Variants in VWA2 observed in about 807,000 individuals in gnomAD.
VWA2 encodes the protein von Willebrand factor A domain containing 2.
A neutral mutation model predicts 70.4 loss-of-function variants in VWA2; 73 were observed. The observed-to-expected ratio is 1.04, with a 90% CI of 0.86 to 1.26. The LOEUF is 1.26. Ranked by LOEUF, VWA2 falls within the 50% of genes most tolerant of loss-of-function variation. The pLI, the probability that VWA2 is intolerant of heterozygous loss-of-function variation, is 0.00. For synonymous variants in VWA2, 407 were observed against 423.3 expected, an observed-to-expected ratio of 0.96 and a Z score of 0.47; for missense variants, 1,011 against 998.5, an observed-to-expected ratio of 1.01 and a Z score of -0.17.
In VWA2 at chr10:114,284,918, G is replaced by A. The variant is rs761578549; in HGVS notation, c.945G>A (p.Leu315=). ...GAGGCACATGTGTTCCAGAAGGACT[G>A]GACGGCTACCAGTGCCTCTGCCCGC... ...QNGGTCVPEG[L]DGYQCLCPLA... The change falls in exon 10 of 14, where the codon CTG becomes CTA. Residue 315 remains leucine, a synonymous_variant. Coordinates refer to ENST00000392982, the MANE Select transcript of VWA2 (RefSeq NM_001272046.2). 1.2e-6 allele frequency: 2 copies of A among 1,605,056 alleles called. No homozygotes were observed. The highest frequency in any genetic ancestry group is 1.7e-5 in the Admixed American group (1 of 57,946).
At chr10:114,288,540 C>G (rs943892569) in intron 11 of VWA2, among the ~76,000 whole-genome samples, 1 of 152,204 alleles carries the variant, frequency 6.6e-6, no homozygotes, top group African/African-American at 2.4e-5. Context: ...AGGTGAGTGG[C>G]CCGGGCCAGC....
At chr10:114,253,602 C>G in intron 2 of VWA2, 49 bp from the exon 3 acceptor site, 1 of 1,536,616 alleles carries the variant, frequency 6.5e-7, no homozygotes, top group Non-Finnish European at 8.9e-7. Flanking sequence ...GATTGAGCCT[C>G]CTCCCCTCTC....
At chr10:114,281,373 G>A (rs1393834520) in intron 8 of VWA2, 1 of 152,336 alleles carries the variant, frequency 6.6e-6, no homozygotes, top group Non-Finnish European at 1.5e-5. Context: ...AGGGTAGAGT[G>A]GGGGGATTTG....
chr10:114,268,168 C>T (rs563996021), intron 5 of VWA2, among the ~76,000 whole-genome samples: 6 of 152,030 alleles, frequency 3.9e-5, no homozygotes, highest in Non-Finnish European at 7.4e-5. Flanking sequence ...ATTTGAGCCC[C>T]TCCACCTCTG....
Position 114,272,786 on chromosome 10 carries a change from A to C in VWA2, c.418A>C (p.Arg140=), listed in dbSNP as rs750422421. 2.5e-6 allele frequency: 4 copies of C among 1,613,736 alleles called. No homozygotes were observed. Among genetic ancestry groups the C allele is most frequent in the African/African-American group, 2.7e-5 (2 of 74,914 alleles). Reference sequence around the variant, plus strand: ...ACTTGCTCTGAAATACCTTCTGCACAGAGGGTTGCCTGGAGGCAGAAATGC... The same window carrying C: ...ACTTGCTCTGAAATACCTTCTGCACCGAGGGTTGCCTGGAGGCAGAAATGC... The part of the protein sequence containing the change: ...TELALKYLLH[R]GLPGGRNASV... Residue 140 remains arginine (R), a synonymous_variant, in exon 6 of 14, where the codon AGA becomes CGA. Transcript: ENST00000392982.
chr10:114,277,306 C>T (rs1003432629), intron 6 of VWA2, among the ~76,000 whole-genome samples: 1 of 150,882 alleles, frequency 6.6e-6, no homozygotes, highest in African/African-American at 2.4e-5. Context: ...GTCTCAGCCT[C>T]CCAAGTAGCT....
At chr10:114,286,564 TC>T in intron 11 of VWA2, 53 bp downstream of exon 11, 1 of 1,460,702 alleles carries the variant, frequency 6.8e-7, no homozygotes, top group Admixed American at 2.3e-5. Flanking sequence ...GGGTCCTTCC[TC>T]CTTTTGGCCA....
chr10:114,277,717 G>GTTCTATGCTTGCTTT (rs2037879821), intron 6 of VWA2, among the ~76,000 whole-genome samples, 197 bp from the exon 7 acceptor site: 2 of 152,154 alleles, frequency 1.3e-5, no homozygotes, highest in African/African-American at 4.8e-5. Context: ...ATGCTTGCTT[G>GTTCTATGCTTGCTTT]TTCTTTGCTT....
rs576469757 is a variant in VWA2 at position 114,259,992 on chromosome 10, C to A, written c.262-1194C>A. Among the ~76,000 whole-genome samples the A allele has an allele frequency of 2.2e-4, 34 of 152,318 alleles. No homozygotes were observed. The East Asian group carries it at 6.4e-3, about 28-fold the overall frequency. ...AGGGCGTTTCCATCATCTCCCACGTCCCACGCCTGTCGAGGGAACGGCAGC... is the reference window on the plus strand; with the variant it reads ...AGGGCGTTTCCATCATCTCCCACGTACCACGCCTGTCGAGGGAACGGCAGC... On this transcript the variant is annotated intron_variant, in intron 4 of 13. Coordinates refer to ENST00000392982, the MANE Select transcript of VWA2 (RefSeq NM_001272046.2).
intron 1 of VWA2, among the ~76,000 whole-genome samples, chr10:114,247,329 G>T (rs1197970637): frequency 6.6e-6 from 1 of 152,140 alleles, no homozygotes; most frequent in Admixed American, 6.6e-5. Flanking sequence ...TCCCATATGA[G>T]AGTGTATAAA....
chr10:114,290,487 T>C, intron 13 of VWA2, 122 bp downstream of exon 13: 1 of 1,383,120 alleles, frequency 7.2e-7, no homozygotes, highest in Non-Finnish European at 9.8e-7. Flanking sequence ...AATTATTCAG[T>C]CGTTTACCCA....
rs1359443112 is a variant in VWA2, at chr10:114,277,303, C to G, written c.567-611C>G. On this transcript the variant is annotated intron_variant, in intron 6 of 13. Coordinates refer to ENST00000392982, the MANE Select transcript of VWA2 (RefSeq NM_001272046.2). ...GGTTCAAGTGGCTCTCCTGTCTCAG[C>G]CTCCCAAGTAGCTGGAACTACAGGC... 3.3e-5 allele frequency among the ~76,000 whole-genome samples: 5 copies of G among 150,696 alleles called. No individual in the cohort carries two copies. The East Asian group carries it at 7.9e-4, about 24-fold the overall frequency.
chr10:114,246,110 A>T (rs530303698), intron 1 of VWA2: 1 of 609,660 alleles, frequency 1.6e-6, no homozygotes, highest in African/African-American at 2.0e-5. Context: ...GCATGGTGAG[A>T]AGGTAGATCT....
At chr10:114,282,391 A>G (rs2038255122) in intron 8 of VWA2, 125 bp from the exon 9 acceptor site, 2 of 757,096 alleles carry the variant, frequency 2.6e-6, no homozygotes, top group Non-Finnish European at 4.6e-6. Context: ...AAACAAAACC[A>G]GGAAGTCTTT....
In VWA2 at chr10:114,286,281, G is replaced by A; in HGVS notation, c.1340G>A (p.Arg447Lys). ...ATRTGQDRPR[R>K]VVVLLTESHS... is the part of the protein sequence containing the mutation. Reference sequence around the variant, plus strand: ...AGGACAGGCCAGGACCGGCCACGTAGAGTGGTGGTTTTGCTCACTGAGTCA... The same window carrying A: ...AGGACAGGCCAGGACCGGCCACGTAAAGTGGTGGTTTTGCTCACTGAGTCA... Residue 447 changes from arginine to lysine, a missense_variant, in exon 11 of 14, where the codon AGA becomes AAA. Coordinates refer to ENST00000392982, the MANE Select transcript of VWA2 (RefSeq NM_001272046.2). The A allele has an allele frequency of 1.2e-6, 2 of 1,610,668 alleles. No individual in the cohort carries two copies. Among genetic ancestry groups the A allele is most frequent in the South Asian group, 1.1e-5 (1 of 90,800 alleles).
chr10:114,248,482 A>G lies in VWA2; in HGVS notation c.-10-222A>G, dbSNP rs540441589. Among the ~76,000 whole-genome samples, 316 of 152,276 alleles carry G rather than the reference A, an allele frequency of 2.1e-3. 8 individuals are homozygous for G. Among genetic ancestry groups the G allele is most frequent in the Non-Finnish European group, 1.7e-3 (116 of 68,026 alleles). On this transcript the variant is annotated intron_variant, in intron 1 of 13. Transcript: ENST00000392982. Reference sequence around the variant, plus strand: ...GCATTTGGGGGTGGATGAGAGAGGTATCCTGGGGAAGATGTTAGCTTGGTG... The same window carrying G: ...GCATTTGGGGGTGGATGAGAGAGGTGTCCTGGGGAAGATGTTAGCTTGGTG...
Position 114,294,449 on chromosome 10 carries a change from T to C in VWA2, c.*3212T>C, listed in dbSNP as rs1002519846. ...TTTGTCTCTTTAATGAACCCGATTT[T>C]GATTTTGTCATTTTTAAAATAAACA... On this transcript the variant is annotated 3_prime_UTR_variant, in exon 14 of 14. Coordinates refer to ENST00000392982, the MANE Select transcript of VWA2 (RefSeq NM_001272046.2). Among the ~76,000 whole-genome samples, 3 of 152,216 alleles carry C rather than the reference T, an allele frequency of 2.0e-5. No individual in the cohort carries two copies. The highest frequency in any genetic ancestry group is 7.2e-5 in the African/African-American group (3 of 41,460).
intron 5 of VWA2, among the ~76,000 whole-genome samples, chr10:114,265,603 C>A (rs113314860): frequency 6.6e-6 from 1 of 152,252 alleles, no homozygotes; most frequent in African/African-American, 2.4e-5. Flanking sequence ...TCTCACCACG[C>A]TCCCTCTCCC....
chr10:114,262,886 T>A (rs1250401863), intron 5 of VWA2, among the ~76,000 whole-genome samples: 5 of 152,222 alleles, frequency 3.3e-5, no homozygotes, highest in African/African-American at 1.2e-4. Context: ...CTTGTGCCCT[T>A]GGGGCCTCCG....
Sources: allele counts gnomAD v4.1 joint callset (sites outside exome capture counted in the v4.1 genomes callset), GRCh38; gene constraint gnomAD v4.1.1; transcripts MANE v1.5; gene names NCBI Gene and HGNC (gene_info 2026-07-23, HGNC 2026-07-21).